Variants in XKR6 observed in about 807,000 individuals in gnomAD.
XKR6 encodes the protein XK-related protein 6.
A neutral mutation model predicts 56.7 loss-of-function variants in XKR6; 22 were observed. The observed-to-expected ratio is 0.39, with a 90% CI of 0.28 to 0.55. The LOEUF (loss-of-function observed/expected upper bound fraction) is 0.55, where lower values mean the gene tolerates loss of function less well. Ranked by LOEUF, XKR6 falls within the 20% of genes least tolerant of loss-of-function variation. The pLI is 0.66. For synonymous variants in XKR6, 524 were observed against 387.8 expected, an observed-to-expected ratio of 1.35 and a Z score of -4.13; for missense variants, 852 against 889.0, an observed-to-expected ratio of 0.96 and a Z score of 0.53.
intron 1 of XKR6, among the ~76,000 whole-genome samples, chr8:11,159,392 C>A (rs149791117): frequency 6.6e-6 from 1 of 152,320 alleles, no homozygotes; most frequent in East Asian, 1.9e-4. Context: ...CAGTCTGTTA[C>A]GACAGCTATG....
At chr8:11,114,079 T>C (rs773860886) in intron 1 of XKR6, 1 of 445,012 alleles carries the variant, frequency 2.2e-6, no homozygotes, top group Non-Finnish European at 4.5e-6. Context: ...AGGCCTCATG[T>C]CTTTCGCTTA....
rs538504466 is a variant in XKR6 at position 11,180,217 on chromosome 8, G to A, written c.764+20359C>T. Among the ~76,000 whole-genome samples, 3 of 152,286 alleles carry A rather than the reference G, an allele frequency of 2.0e-5. No homozygotes were observed. The East Asian group carries it at 5.8e-4, about 29-fold the overall frequency. On this transcript the variant is annotated intron_variant, in intron 1 of 2. Transcript: ENST00000416569. ...TGTCTGGGAAAATTCAAAGTCAAAA[G>A]TGATTATCTGGATGGAATGAACAGA...
At chr8:11,005,628 A>G (rs192944490) in intron 1 of XKR6, among the ~76,000 whole-genome samples, 55 of 152,264 alleles carry the variant, frequency 3.6e-4, no homozygotes, top group Non-Finnish European at 7.3e-5. Flanking sequence ...ACATGCAAAT[A>G]TGGTACGATG....
In XKR6 at chr8:11,125,225, C is replaced by G. The variant is rs536154453; in HGVS notation, c.764+75351G>C. Among the ~76,000 whole-genome samples the G allele has an allele frequency of 3.3e-5, 5 of 152,176 alleles. No individual in the cohort carries two copies. In the South Asian group the frequency reaches 1.0e-3, roughly 32 times the overall value. ...CTGGCCCTGCTCACCCTGCTAAGGACCAAGCTGAGGACCGGAGGCGAGGCA... is the reference window on the plus strand; with the variant it reads ...CTGGCCCTGCTCACCCTGCTAAGGAGCAAGCTGAGGACCGGAGGCGAGGCA... On this transcript the variant is annotated intron_variant, in intron 1 of 2. Transcript: ENST00000416569.
chr8:10,994,725 C>A (rs745394805), intron 1 of XKR6, among the ~76,000 whole-genome samples: 1 of 152,156 alleles, frequency 6.6e-6, no homozygotes, highest in Non-Finnish European at 1.5e-5. Context: ...AAAAAAATAC[C>A]CATTTTATCG....
chr8:10,940,763 C>T (rs780092793), intron 1 of XKR6, among the ~76,000 whole-genome samples: 5 of 152,182 alleles, frequency 3.3e-5, no homozygotes, highest in Non-Finnish European at 5.9e-5. Flanking sequence ...AGCTGTACCC[C>T]GAGATGTCAC....
intron 1 of XKR6, among the ~76,000 whole-genome samples, chr8:11,148,350 G>C (rs1438719354): frequency 2.0e-5 from 3 of 152,220 alleles, no homozygotes; most frequent in African/African-American, 7.2e-5. Context: ...TCAGAGCAAA[G>C]CCCATGTAAC....
At chr8:10,900,158 T>C (rs1799995363) in intron 2 of XKR6, among the ~76,000 whole-genome samples, 1 of 152,070 alleles carries the variant, frequency 6.6e-6, no homozygotes, top group African/African-American at 2.4e-5. Context: ...AGCTTTACCC[T>C]CCCACGGAGC....
chr8:11,092,194 C>CT (rs1218156073), intron 1 of XKR6, among the ~76,000 whole-genome samples: 1 of 152,210 alleles, frequency 6.6e-6, no homozygotes, highest in African/African-American at 2.4e-5. Flanking sequence ...CGATAAGGGA[C>CT]TGTGAACTCA....
intron 2 of XKR6, among the ~76,000 whole-genome samples, chr8:10,906,619 T>C (rs1800196607): frequency 6.6e-6 from 1 of 152,260 alleles, no homozygotes; most frequent in Non-Finnish European, 1.5e-5. Context: ...CAGTCTTTCA[T>C]AAGCACTGAC....
At chr8:10,912,945 T>C (rs535800701) in intron 2 of XKR6, among the ~76,000 whole-genome samples, 3 of 150,618 alleles carry the variant, frequency 2.0e-5, no homozygotes, top group East Asian at 3.9e-4. Context: ...TATATATCTA[T>C]AGAGGGCGAG....
intron 1 of XKR6, among the ~76,000 whole-genome samples, chr8:11,139,199 T>A (rs1330424114): frequency 6.6e-6 from 1 of 152,198 alleles, no homozygotes; most frequent in Non-Finnish European, 1.5e-5. Context: ...CTCCATGAAA[T>A]AAGATAAAAT....
intron 1 of XKR6, among the ~76,000 whole-genome samples, chr8:11,043,844 T>A (rs1799344284): frequency 6.6e-6 from 1 of 152,220 alleles, no homozygotes; most frequent in Non-Finnish European, 1.5e-5. Flanking sequence ...ATCATAAGAC[T>A]GACAGAACAG....
At chr8:11,172,154 T>C (rs775508247) in intron 1 of XKR6, among the ~76,000 whole-genome samples, 10 of 152,110 alleles carry the variant, frequency 6.6e-5, no homozygotes, top group Non-Finnish European at 1.5e-4. Context: ...GCAGATTGCT[T>C]GAGCCCAGGA....
chr8:11,118,495 T>C (rs550915226), intron 1 of XKR6, among the ~76,000 whole-genome samples: 2 of 152,364 alleles, frequency 1.3e-5, no homozygotes, highest in Non-Finnish European at 2.9e-5. Context: ...AGCCTGTTAT[T>C]GGTCTATTCA....
intron 1 of XKR6, among the ~76,000 whole-genome samples, chr8:10,963,620 C>T (rs1045447452): frequency 6.6e-6 from 1 of 151,992 alleles, no homozygotes. Context: ...TGGAGCACTG[C>T]ATCCTCGACC....
chr8:11,128,355 T>C (rs1160601583), intron 1 of XKR6, among the ~76,000 whole-genome samples: 2 of 152,232 alleles, frequency 1.3e-5, no homozygotes, highest in Non-Finnish European at 1.5e-5. Context: ...ATCTCAGGGC[T>C]TTACTATCTG....
At position 11,027,006 on chromosome 8, in the gene XKR6, A is replaced by G. The variant is rs148163207; in HGVS notation, c.765-102176T>C. Among the ~76,000 whole-genome samples the G allele has an allele frequency of 5.7e-3, 866 of 152,256 alleles. 1 individual carries two copies. Among genetic ancestry groups the G allele is most frequent in the Non-Finnish European group, 8.6e-3 (587 of 68,002 alleles). ...ACACACCTAGATGGTCTAGCCTACTATACACTTAGATGCTGTTGCCTACTA... is the reference window on the plus strand; with the variant it reads ...ACACACCTAGATGGTCTAGCCTACTGTACACTTAGATGCTGTTGCCTACTA... On this transcript the variant is annotated intron_variant, in intron 1 of 2. Transcript: ENST00000416569.
chr8:11,194,634 A>G (rs1016205921), intron 1 of XKR6: 1 of 152,756 alleles, frequency 6.5e-6, no homozygotes, highest in African/African-American at 2.4e-5. Context: ...AAATGGCAAC[A>G]TCAGAGACAC....
Sources: gnomAD v4.1 joint callset for allele counts (sites outside exome capture counted in the v4.1 genomes callset) on GRCh38, gnomAD v4.1.1 for gene constraint, MANE v1.5 for transcripts, NCBI Gene and HGNC (gene_info 2026-07-23, HGNC 2026-07-21) for gene names.